Variants in EMILIN1 observed in about 807,000 individuals in gnomAD.
EMILIN1 encodes EMILIN-1.
Under a neutral mutation model 82.4 loss-of-function variants are expected in EMILIN1, and 49 were observed. That is an observed-to-expected ratio of 0.59 (90% CI 0.47 to 0.75). EMILIN1 has a LOEUF of 0.75. Ranked by LOEUF, EMILIN1 falls within the 30% of genes least tolerant of loss-of-function variation. The probability of loss-of-function intolerance (pLI) is 0.00; values close to 1 mark genes in which losing one functional copy is unlikely to be tolerated. For synonymous variants in EMILIN1, 604 were observed against 602.2 expected, an observed-to-expected ratio of 1.00 and a Z score of -0.04; for missense variants, 1,313 against 1,366.4, an observed-to-expected ratio of 0.96 and a Z score of 0.62.
At position 27,083,687 on chromosome 2, in the gene EMILIN1, C is replaced by T. The variant is rs747249536; in HGVS notation, c.2116C>T (p.Arg706Cys). The change falls in exon 4 of 8, where the codon CGC becomes TGC. Residue 706 changes from arginine to cysteine, a missense_variant. Physicochemically the swap from Arg to Cys is radical, Grantham distance 180. Transcript: ENST00000380320. ...ATEHATESEE[R>C]FRGLEEGQAQ... is the part of the protein sequence containing the mutation. ...AGAGCATGCTACAGAGAGTGAAGAG[C>T]GCTTCCGAGGCCTAGAGGAGGGACA... 2.7e-5 allele frequency: 43 copies of T among 1,613,798 alleles called. No homozygotes were observed. The highest frequency in any genetic ancestry group is 5.0e-5 in the Admixed American group (3 of 59,996).
rs779711180 is a variant in EMILIN1, at chr2:27,083,515, T to C, written c.1944T>C (p.Ser648=). 1 of 1,614,008 alleles carries C rather than the reference T, an allele frequency of 6.2e-7. No individual in the cohort carries two copies. The highest frequency in any genetic ancestry group is 1.1e-5 in the South Asian group (1 of 91,086). ...SALQALQGEL[S]EVILSFSSLN... is the part of the protein sequence containing the mutation. The stretch of plus-strand genomic sequence containing the variant: ...TGCAGGCCCTGCAAGGAGAGCTCTC[T>C]GAGGTTATTCTCAGCTTCAGCTCCC... Residue 648 remains serine, a synonymous_variant, in exon 4 of 8, where the codon TCT becomes TCC. Transcript: ENST00000380320.
Position 27,078,863 on chromosome 2 carries a change from G to A in EMILIN1, c.-203G>A. 2.0e-6 allele frequency: 1 copy of A among 494,250 alleles called. No homozygotes were observed. Among genetic ancestry groups the A allele is most frequent in the Non-Finnish European group, 3.6e-6 (1 of 281,354 alleles). The allele number at this position is 494,250 out of a possible 1,614,324, so 30.6% of individuals were successfully genotyped here. On this transcript the variant is annotated 5_prime_UTR_variant, in exon 1 of 8. Transcript: ENST00000380320. ...GGAAGGAACCGAGAGGGGACGGACA[G>A]GAGCTGAGGAGGAAAGAGGAGGGGA...
Position 27,079,188 on chromosome 2 carries a change from C to T in EMILIN1, c.123C>T (p.Pro41=), listed in dbSNP as rs201008654. Residue 41 remains proline (P), a synonymous_variant, in exon 1 of 8, where the codon CCC becomes CCT. Transcript: ENST00000380320. ...CAGGTTCCAGTGGGGCCCTCAGCCC[C>T]GGGGGGCCCCAGGCCCAGATTGCCC... ...LYTGSSGALS[P]GGPQAQIAPR... 3.0e-4 allele frequency: 476 copies of T among 1,581,674 alleles called. 2 individuals carry two copies. The African/African-American group carries it at 6.2e-3, about 21-fold the overall frequency.
At chr2:27,085,065 G>A in intron 6 of EMILIN1, 57 bp downstream of exon 6, 2 of 1,612,734 alleles carry the variant, frequency 1.2e-6, no homozygotes, top group African/African-American at 1.3e-5. Context: ...GGAGGATAGA[G>A]GTCCTCGGGC....
rs1221628586 is a variant in EMILIN1, at chr2:27,083,802, T to C, written c.2231T>C (p.Leu744Pro). 1 of 1,601,682 alleles carries C rather than the reference T, an allele frequency of 6.2e-7. No individual in the cohort carries two copies. The stretch of plus-strand genomic sequence containing the variant: ...CGGTTGGACACTGTGGCTGGGGGAC[T>C]GCAGGGCCTGCGCGAGGGCCTTTCC... Reference protein sequence around the residue: ...CERLDTVAGGLQGLREGLSRH... With the variant: ...CERLDTVAGGPQGLREGLSRH... Residue 744 changes from leucine to proline, a missense_variant, in exon 4 of 8, where the codon CTG (leucine) becomes CCG (proline). Coordinates refer to ENST00000380320, the MANE Select transcript of EMILIN1 (RefSeq NM_007046.4).
chr2:27,083,939 C>T lies in EMILIN1; in HGVS notation c.2368C>T (p.Leu790=), dbSNP rs777807777. ...GGGACAGGCGGGCCTGGGCAGGCGG[C>T]TGGGTGCCCTTAACAGCTCCCTGCA... is the stretch of plus-strand genomic sequence containing the variant. ...VGGQAGLGRR[L]GALNSSLQLL... The change falls in exon 4 of 8, where the codon CTG becomes TTG. Residue 790 remains leucine, a synonymous_variant. Transcript: ENST00000380320. 1.3e-5 allele frequency: 21 copies of T among 1,591,096 alleles called. No individual in the cohort carries two copies. Among genetic ancestry groups the T allele is most frequent in the Middle Eastern group, 1.7e-4 (1 of 6,016 alleles).
chr2:27,083,693 C>T lies in EMILIN1; in HGVS notation c.2122C>T (p.Arg708Ter), dbSNP rs1669530861. 2 of 1,613,952 alleles carry T rather than the reference C, an allele frequency of 1.2e-6. No homozygotes were observed. Among genetic ancestry groups the T allele is most frequent in the African/African-American group, 1.3e-5 (1 of 75,042 alleles). The change falls in exon 4 of 8, where the codon CGA (arginine) becomes TGA (stop). Residue 708 changes from arginine to a stop codon, truncating the protein, a stop_gained. Coordinates refer to ENST00000380320, the MANE Select transcript of EMILIN1 (RefSeq NM_007046.4). LOFTEE classifies it high-confidence loss of function. Reference protein sequence around the residue: ...EHATESEERFRGLEEGQAQAG... With the variant: ...EHATESEERF ...TGCTACAGAGAGTGAAGAGCGCTTC[C>T]GAGGCCTAGAGGAGGGACAAGCACA...
At chr2:27,080,990 A>C in intron 3 of EMILIN1, 38 bp downstream of exon 3, 1 of 1,445,938 alleles carries the variant, frequency 6.9e-7, no homozygotes, top group Non-Finnish European at 9.4e-7. Flanking sequence ...GCAAGTTCCA[A>C]ATGGTGATCC....
chr2:27,083,622 G>A lies in EMILIN1; in HGVS notation c.2051G>A (p.Arg684His), dbSNP rs762417381. ...DLADLGATKD[R>H]IISEINRLQQ... ...GCTGACCTGGGGGCAACCAAGGACC[G>A]TATCATTTCTGAGATTAACAGGCTG... The change falls in exon 4 of 8, where the codon CGT becomes CAT. Residue 684 changes from arginine (R) to histidine (H), a missense_variant. Transcript: ENST00000380320. The A allele has an allele frequency of 5.4e-5, 87 of 1,612,518 alleles. No individual in the cohort carries two copies. The Admixed American group carries it at 1.1e-3, about 20-fold the overall frequency.
At chr2:27,084,555 G>T in intron 5 of EMILIN1, 24 bp downstream of exon 5, 1 of 1,496,136 alleles carries the variant, frequency 6.7e-7, no homozygotes, top group South Asian at 1.1e-5. Flanking sequence ...GACCCTTGCT[G>T]CAGTCAGGGT....
At position 27,083,495 on chromosome 2, in the gene EMILIN1, G is replaced by T. The variant is rs868583812; in HGVS notation, c.1924G>T (p.Ala642Ser). ...FGGSSGSALQ[A>S]LQGELSEVIL... ...GGGCAGCTCAGGCTCAGCCCTGCAG[G>T]CCCTGCAAGGAGAGCTCTCTGAGGT... The change falls in exon 4 of 8, where the codon GCC (alanine) becomes TCC (serine). Residue 642 changes from alanine (A) to serine (S), a missense_variant. By Grantham distance (99) the Ala-to-Ser change is moderately conservative. Transcript: ENST00000380320. 1.2e-6 allele frequency: 2 copies of T among 1,613,592 alleles called. No individual in the cohort carries two copies. The highest frequency in any genetic ancestry group is 1.3e-5 in the African/African-American group (1 of 74,948).
intron 5 of EMILIN1, 69 bp downstream of exon 5, chr2:27,084,600 C>A: frequency 1.1e-6 from 1 of 904,876 alleles, no homozygotes; most frequent in Non-Finnish European, 1.8e-6. Context: ...CCCCCGCTGG[C>A]AGCCCCAGGC....
At position 27,085,224 on chromosome 2, in the gene EMILIN1, C is replaced by G; in HGVS notation, c.2640C>G (p.Pro880=). The stretch of plus-strand genomic sequence containing the variant: ...CATTTTCAGCTGCTCTGAGTTTGCC[C>G]CGGTCTGAACCAGGCACGGTCCCCT... The part of the protein sequence containing the change: ...QVAFSAALSL[P]RSEPGTVPFD... Residue 880 remains proline, a synonymous_variant, in exon 7 of 8, where the codon CCC becomes CCG. Coordinates refer to ENST00000380320, the MANE Select transcript of EMILIN1 (RefSeq NM_007046.4). 1 of 1,614,164 alleles carries G rather than the reference C, an allele frequency of 6.2e-7. No homozygotes were observed. The highest frequency in any genetic ancestry group is 8.5e-7 in the Non-Finnish European group (1 of 1,180,042).
chr2:27,082,389 G>A lies in EMILIN1; in HGVS notation c.818G>A (p.Gly273Asp), dbSNP rs1451240565. The change falls in exon 4 of 8, where the codon GGC becomes GAC. Residue 273 changes from glycine (G) to aspartate (D), a missense_variant. Physicochemically the swap from Gly to Asp is moderately conservative, Grantham distance 94. Coordinates refer to ENST00000380320, the MANE Select transcript of EMILIN1 (RefSeq NM_007046.4). ...CATGGCGGCAGCAGCAGCAGTGGGG[G>A]CAGCAGGGCCCCAGCCCCAGCCTCA... ...NHHGGSSSSG[G>D]SRAPAPASAP... 6.2e-7 allele frequency: 1 copy of A among 1,609,736 alleles called. No homozygotes were observed. The highest frequency in any genetic ancestry group is 8.5e-7 in the Non-Finnish European group (1 of 1,179,174).
At position 27,083,715 on chromosome 2, in the gene EMILIN1, C is replaced by G. The variant is rs1367551306; in HGVS notation, c.2144C>G (p.Ala715Gly). Residue 715 changes from alanine to glycine, a missense_variant, in exon 4 of 8, where the codon GCA becomes GGA. Ala to Gly is a moderately conservative substitution (Grantham distance 60). Transcript: ENST00000380320. ...TTCCGAGGCCTAGAGGAGGGACAAG[C>G]ACAGGCCGGCCAGTGCCCCAGCTTA... is the stretch of plus-strand genomic sequence containing the variant. ...ERFRGLEEGQ[A>G]QAGQCPSLEG... is the part of the protein sequence containing the mutation. 2 of 1,613,804 alleles carry G rather than the reference C, an allele frequency of 1.2e-6. No individual in the cohort carries two copies. The highest frequency in any genetic ancestry group is 1.3e-5 in the African/African-American group (1 of 74,932).
At position 27,083,631 on chromosome 2, in the gene EMILIN1, C is replaced by T. The variant is rs1386940507; in HGVS notation, c.2060C>T (p.Ser687Phe). ...DLGATKDRII[S>F]EINRLQQEAT... ...GGGGCAACCAAGGACCGTATCATTT[C>T]TGAGATTAACAGGCTGCAGCAGGAG... The change falls in exon 4 of 8, where the codon TCT becomes TTT. Residue 687 changes from serine (S) to phenylalanine (F), a missense_variant. Ser to Phe is a radical substitution (Grantham distance 155). Transcript: ENST00000380320. The T allele has an allele frequency of 6.2e-7, 1 of 1,612,380 alleles. No homozygotes were observed. Among genetic ancestry groups the T allele is most frequent in the Non-Finnish European group, 8.5e-7 (1 of 1,178,716 alleles).
rs755201564 is a variant in EMILIN1, at chr2:27,082,452, T to C, written c.881T>C (p.Leu294Pro). 19 of 1,576,904 alleles carry C rather than the reference T, an allele frequency of 1.2e-5. No individual in the cohort carries two copies. The East Asian group carries it at 4.5e-4, about 37-fold the overall frequency. Residue 294 changes from leucine (L) to proline (P), a missense_variant, in exon 4 of 8, where the codon CTG becomes CCG. Leu to Pro is a moderately conservative substitution (Grantham distance 98, BLOSUM62 -3). Transcript: ENST00000380320. Reference sequence around the variant, plus strand: ...CCCAGTGAGGAGCTGCTGCGGCAGCTGGAGCAGCGGTTGCAGGAGTCCTGC... The same window carrying C: ...CCCAGTGAGGAGCTGCTGCGGCAGCCGGAGCAGCGGTTGCAGGAGTCCTGC... Reference protein sequence around the residue: ...PGPSEELLRQLEQRLQESCSV... With the variant: ...PGPSEELLRQPEQRLQESCSV...
chr2:27,084,870 C>A, intron 5 of EMILIN1, 121 bp from the exon 6 acceptor site: 1 of 939,384 alleles, frequency 1.1e-6, no homozygotes, highest in Non-Finnish European at 1.7e-6. Flanking sequence ...TCTTGATACC[C>A]CAATTCCTGC....
Position 27,080,813 on chromosome 2 carries a change from TG to T in EMILIN1, c.377del (p.Gly126AlafsTer63), listed in dbSNP as rs1669460021. 6.2e-7 allele frequency: 1 copy of T among 1,613,590 alleles called. No homozygotes were observed. The highest frequency in any genetic ancestry group is 8.5e-7 in the Non-Finnish European group (1 of 1,179,956). ...TGGAGTGGAGGTGCTGTCAGGGTTA[TG>T]GGGGCGATGACTGTGCTGAGAGTCC... ...DMEWRCCQGY[G>X]GDDCAESPAP... On this transcript the variant is annotated frameshift_variant, in exon 3 of 8. Coordinates refer to ENST00000380320, the MANE Select transcript of EMILIN1 (RefSeq NM_007046.4). LOFTEE classifies it high-confidence loss of function.
Sources: allele counts gnomAD v4.1 joint callset, GRCh38; gene constraint gnomAD v4.1.1; transcripts MANE v1.5; gene names NCBI Gene and HGNC (gene_info 2026-07-23, HGNC 2026-07-21).